The following KCTD2 variants were observed in gnomAD, a reference collection of about 807,000 sequenced individuals.
KCTD2 encodes BTB/POZ domain-containing protein KCTD2.
KCTD2 carries 18 observed loss-of-function variants against 27.9 expected under a neutral mutation model. That is an observed-to-expected ratio of 0.64 (90% confidence interval 0.45 to 0.96). The LOEUF (loss-of-function observed/expected upper bound fraction) is 0.96. Ranked by LOEUF, KCTD2 falls within the 40% of genes least tolerant of loss-of-function variation. KCTD2 has a pLI of 0.00. For missense variants in KCTD2, 280 were observed against 348.0 expected, an observed-to-expected ratio of 0.80 and a Z score of 1.56; for synonymous variants, 175 against 148.4, an observed-to-expected ratio of 1.18 and a Z score of -1.30.
At chr17:75,047,671 G>T in intron 1 of KCTD2, 82 bp downstream of exon 1, 1 of 1,405,924 alleles carries the variant, frequency 7.1e-7, no homozygotes. Context: ...CCTGAGACAC[G>T]CTCCTCACAG....
intron 2 of KCTD2, among the ~76,000 whole-genome samples, chr17:75,034,722 A>G (rs1024255329): frequency 4.6e-5 from 7 of 151,592 alleles, no homozygotes; most frequent in African/African-American, 1.7e-4. Flanking sequence ...AACCCCGAGA[A>G]GAAGTGCTCG....
chr17:75,060,687 A>C, intron 4 of KCTD2: 2 of 1,354,302 alleles, frequency 1.5e-6, no homozygotes, highest in Non-Finnish European at 2.0e-6. Flanking sequence ...GTCAGGCTGC[A>C]CTCAGGGTCT....
rs941808829 is a variant in KCTD2, at chr17:75,058,264, T to C, written c.541-1246T>C. ...ATCGCTTGAACTCGGGAGGCGGAGA[T>C]TGCAGTGAGCTGAGATGGTGCCATT... On this transcript the variant is annotated intron_variant, in intron 3 of 5. Coordinates refer to ENST00000322444, the MANE Select transcript of KCTD2 (RefSeq NM_015353.3). Among the ~76,000 whole-genome samples the C allele has an allele frequency of 4.3e-4, 65 of 151,472 alleles. 2 individuals are homozygous for C. Among genetic ancestry groups the C allele is most frequent in the Admixed American group, 3.6e-3 (54 of 15,206 alleles).
At chr17:75,035,084 G>A (rs771397498) in intron 2 of KCTD2, 5 of 152,056 alleles carry the variant, frequency 3.3e-5, no homozygotes, top group Non-Finnish European at 7.4e-5. Context: ...CCATCAAATT[G>A]GCCTCTCTAG....
At chr17:75,062,725 C>A (rs1231430649) in intron 5 of KCTD2, among the ~76,000 whole-genome samples, 1 of 151,402 alleles carries the variant, frequency 6.6e-6, no homozygotes, top group Non-Finnish European at 1.5e-5. Flanking sequence ...CACACACACA[C>A]ACACACACAC....
chr17:75,033,606 G>A (rs1353690605), intron 1 of KCTD2, among the ~76,000 whole-genome samples: 1 of 152,196 alleles, frequency 6.6e-6, no homozygotes, highest in Non-Finnish European at 1.5e-5. Context: ...GCTCAGGGCG[G>A]TAGGAAGGAA....
intron 3 of KCTD2, among the ~76,000 whole-genome samples, chr17:75,053,319 A>G (rs2073310759): frequency 6.6e-6 from 1 of 152,082 alleles, no homozygotes; most frequent in Non-Finnish European, 1.5e-5. Context: ...GAATGAGAAG[A>G]TTGTCGCTGC....
upstream of KCTD2, among the ~76,000 whole-genome samples, chr17:75,043,196 G>A (rs1190844285): frequency 6.6e-6 from 1 of 152,226 alleles, no homozygotes; most frequent in Non-Finnish European, 1.5e-5. Context: ...ACCCTAGCCT[G>A]GGCAACACAG....
intron 3 of KCTD2, among the ~76,000 whole-genome samples, chr17:75,054,092 A>C (rs912668506): frequency 4.0e-5 from 6 of 151,710 alleles, no homozygotes; most frequent in Non-Finnish European, 2.9e-5. Context: ...ATCACAGCTC[A>C]CTGCAGCCTT....
chr17:75,052,836 G>A (rs1347340513), intron 2 of KCTD2, among the ~76,000 whole-genome samples, 178 bp from the exon 3 acceptor site: 1 of 152,230 alleles, frequency 6.6e-6, no homozygotes, highest in Admixed American at 6.5e-5. Context: ...GGAGGTTGCC[G>A]TGAGCCAAGA....
rs770941747 is a variant in KCTD2, at chr17:75,053,087, T to C, written c.522T>C (p.Asn174=). ...TGGTTAAGGAAAGGATACGGGACAA[T>C]GAGAACAGAACTTCACAAGTAATGT... is the stretch of plus-strand genomic sequence containing the variant. ...VRLVKERIRD[N]ENRTSQGPVK... Residue 174 remains asparagine, a synonymous_variant, in exon 3 of 6, where the codon AAT becomes AAC. Transcript: ENST00000322444. The C allele has an allele frequency of 1.7e-5, 28 of 1,613,642 alleles. No individual in the cohort carries two copies. The highest frequency in any genetic ancestry group is 2.1e-5 in the Non-Finnish European group (25 of 1,179,648).
At position 75,063,499 on chromosome 17, in the gene KCTD2, C is replaced by T. The variant is rs1325626485; in HGVS notation, c.*452C>T. The T allele has an allele frequency of 5.6e-5, 11 of 194,888 alleles. No individual in the cohort carries two copies. In the East Asian group the frequency reaches 1.3e-3, roughly 23 times the overall value. 12.1% of individuals were successfully genotyped at this position (194,888 alleles called of 1,614,324 possible). On this transcript the variant is annotated 3_prime_UTR_variant, in exon 6 of 6. Coordinates refer to ENST00000322444, the MANE Select transcript of KCTD2 (RefSeq NM_015353.3). Reference sequence around the variant, plus strand: ...TTAGCAGCTGCTTCGGAACACCGTCCCTCCTATGCACCCTCCAAGACGTGC... The same window carrying T: ...TTAGCAGCTGCTTCGGAACACCGTCTCTCCTATGCACCCTCCAAGACGTGC...
rs2040078912 is a variant in KCTD2, at chr17:75,032,968, G to C, written c.-470+244G>C. 1 of 152,358 alleles carries C rather than the reference G, an allele frequency of 6.6e-6. No homozygotes were observed. Among genetic ancestry groups the C allele is most frequent in the African/African-American group, 2.4e-5 (1 of 41,580 alleles). The allele number at this position is 152,358 out of a possible 1,614,324, so 9.4% of individuals were successfully genotyped here. ...GTTTCTGCAGACTCTACATTTTGGA[G>C]AGAAACAGAAAAGAATGTCCCCAAG... On this transcript the variant is annotated intron_variant, in intron 1 of 7. Coordinates refer to the KCTD2 transcript ENST00000581589. The surrounding 1 kb of genome is among the most constrained non-coding windows in gnomAD (Gnocchi z 4.8).
chr17:75,045,497 C>T (rs1228527683), upstream of KCTD2, among the ~76,000 whole-genome samples: 1 of 152,208 alleles, frequency 6.6e-6, no homozygotes, highest in African/African-American at 2.4e-5. Context: ...GAGACAGGTA[C>T]GCCCCAGGGG....
At chr17:75,058,287 A>G (rs561125201) in intron 3 of KCTD2, among the ~76,000 whole-genome samples, 2 of 151,412 alleles carry the variant, frequency 1.3e-5, no homozygotes, top group South Asian at 4.2e-4. Context: ...AGATGGTGCC[A>G]TTGCACTCCA....
intron 2 of KCTD2, among the ~76,000 whole-genome samples, chr17:75,049,811 T>G (rs973762340): frequency 6.6e-6 from 1 of 152,252 alleles, no homozygotes; most frequent in African/African-American, 2.4e-5. Context: ...TAATTCATTC[T>G]CTAGTTCATT....
intron 2 of KCTD2, among the ~76,000 whole-genome samples, chr17:75,035,056 C>G (rs1396562443): frequency 3.9e-5 from 6 of 152,086 alleles, no homozygotes; most frequent in African/African-American, 1.4e-4. Flanking sequence ...AGCTGCGGCA[C>G]GCCGGAGCGT....
intron 3 of KCTD2, among the ~76,000 whole-genome samples, chr17:75,054,604 G>C (rs761167354): frequency 9.9e-5 from 15 of 152,076 alleles, no homozygotes; most frequent in Non-Finnish European, 1.6e-4. Flanking sequence ...AGGAGATCGA[G>C]ACCATCCTGG....
At position 75,038,870 on chromosome 17, in the gene KCTD2, T is replaced by G. The variant is rs1389847098; in HGVS notation, c.-259+3513T>G. 5 of 1,533,090 alleles carry G rather than the reference T, an allele frequency of 3.3e-6. No homozygotes were observed. The African/African-American group carries it at 5.6e-5, about 17-fold the overall frequency. 95.0% of individuals were successfully genotyped at this position (1,533,090 alleles called of 1,614,324 possible). A position where few individuals can be genotyped will look rare whatever the true frequency, so the allele number is the denominator to read the frequency against. On this transcript the variant is annotated intron_variant, in intron 3 of 7. Transcript: ENST00000581589. ...AAGAAGCACACCCAGAACTGTATAA[T>G]TATTATTTTTAATGTCCAGAATGTG... is the stretch of plus-strand genomic sequence containing the variant.
Sources: gnomAD v4.1 joint callset for allele counts (sites outside exome capture counted in the v4.1 genomes callset) on GRCh38, gnomAD v4.1.1 for gene constraint, Gnocchi (gnomAD v3.1) non-coding constraint, MANE v1.5 for transcripts, NCBI Gene and HGNC (gene_info 2026-07-23, HGNC 2026-07-21) for gene names.